The following TMCC1 variants were observed in gnomAD, a reference collection of about 807,000 sequenced individuals.
The protein encoded by TMCC1 is transmembrane and coiled-coil domains protein 1.
TMCC1 carries 15 observed loss-of-function variants against 52.4 expected under a neutral mutation model. That is an observed-to-expected ratio of 0.29 (90% CI 0.19 to 0.44). The LOEUF (loss-of-function observed/expected upper bound fraction) is 0.44, where lower values mean the gene tolerates loss of function less well. Ranked by LOEUF, TMCC1 falls within the 20% of genes least tolerant of loss-of-function variation. The pLI, the probability that TMCC1 is intolerant of heterozygous loss-of-function variation, is 1.00. For synonymous variants in TMCC1, 279 were observed against 301.9 expected (o/e 0.92, Z 0.79); for missense variants, 503 against 806.0 (o/e 0.62, Z 4.55).
intron 4 of TMCC1, among the ~76,000 whole-genome samples, chr3:129,798,524 C>CAA (rs796919072): frequency 0.075 from 5,011 of 67,164 alleles, 304 homozygotes; most frequent in African/African-American, 0.2. Context: ...TCTTCCTATC[C>CAA]AAAAAAAAAA....
intron 4 of TMCC1, among the ~76,000 whole-genome samples, chr3:129,765,357 G>A (rs1026219791): frequency 2.8e-4 from 43 of 152,046 alleles, no homozygotes; most frequent in African/African-American, 9.6e-4. Flanking sequence ...GACAGAATGA[G>A]TAGAAAAATG....
intron 4 of TMCC1, among the ~76,000 whole-genome samples, chr3:129,782,761 T>C (rs2055637920): frequency 1.3e-5 from 2 of 152,220 alleles, no homozygotes; most frequent in South Asian, 4.1e-4. Context: ...CTGAGTACCA[T>C]TTGATTACCG....
chr3:129,788,224 A>G (rs1186050787), intron 4 of TMCC1, among the ~76,000 whole-genome samples: 1 of 152,194 alleles, frequency 6.6e-6, no homozygotes, highest in African/African-American at 2.4e-5. Flanking sequence ...AGGACATGCT[A>G]TCTTCTCTGG....
chr3:129,878,511 G>A (rs1199083488), intron 2 of TMCC1, among the ~76,000 whole-genome samples: 4 of 152,152 alleles, frequency 2.6e-5, no homozygotes, highest in African/African-American at 9.7e-5. Flanking sequence ...TGTTACCACA[G>A]TCACTGCTAC....
At chr3:129,745,622 G>C (rs537321086) in intron 4 of TMCC1, among the ~76,000 whole-genome samples, 1 of 152,280 alleles carries the variant, frequency 6.6e-6, no homozygotes, top group East Asian at 1.9e-4. Context: ...GAGAGAGAGA[G>C]AGAAGCCTTT....
At chr3:129,843,574 AAAG>A (rs2059523252) in intron 2 of TMCC1, among the ~76,000 whole-genome samples, 1 of 152,126 alleles carries the variant, frequency 6.6e-6, no homozygotes, top group Non-Finnish European at 1.5e-5. Flanking sequence ...AGATGTTAAA[AAAG>A]AATAATAAAA....
chr3:129,756,445 C>T (rs2053018205), intron 4 of TMCC1, among the ~76,000 whole-genome samples: 3 of 152,018 alleles, frequency 2.0e-5, no homozygotes, highest in South Asian at 4.2e-4. Context: ...GACAGAATTT[C>T]GCTCTGTTGC....
intron 2 of TMCC1, among the ~76,000 whole-genome samples, chr3:129,867,759 C>CA (rs1283149656): frequency 6.6e-6 from 1 of 152,074 alleles, no homozygotes; most frequent in African/African-American, 2.4e-5. Context: ...ACTTTAAGGC[C>CA]ATAGTAGAAA....
chr3:129,760,796 G>A (rs1398127041), intron 4 of TMCC1, among the ~76,000 whole-genome samples: 1 of 148,944 alleles, frequency 6.7e-6, no homozygotes, highest in African/African-American at 2.5e-5. Context: ...ATTTTTTGTA[G>A]AGAAGGGGTT....
chr3:129,781,513 G>A (rs1447240532), intron 4 of TMCC1, among the ~76,000 whole-genome samples: 1 of 152,012 alleles, frequency 6.6e-6, no homozygotes, highest in African/African-American at 2.4e-5. Context: ...CCTACATTTA[G>A]ACACAATTAA....
At chr3:129,826,997 A>G (rs190174792) in intron 4 of TMCC1, among the ~76,000 whole-genome samples, 2 of 152,298 alleles carry the variant, frequency 1.3e-5, no homozygotes, top group African/African-American at 4.8e-5. Flanking sequence ...AAAAATCAGA[A>G]GCTCTGGCAA....
intron 4 of TMCC1, among the ~76,000 whole-genome samples, chr3:129,689,464 C>G (rs182833970): frequency 9.9e-4 from 151 of 152,234 alleles, no homozygotes; most frequent in African/African-American, 3.4e-3. Flanking sequence ...TAAAGTATAT[C>G]TACTAATATT....
intron 2 of TMCC1, among the ~76,000 whole-genome samples, chr3:129,859,915 T>C (rs1469941486): frequency 6.6e-6 from 1 of 152,120 alleles, no homozygotes; most frequent in African/African-American, 2.4e-5. Context: ...CCAGCCTCCA[T>C]GACTAGGAAG....
At chr3:129,711,951 G>A (rs1324165019) in intron 4 of TMCC1, among the ~76,000 whole-genome samples, 2 of 132,374 alleles carry the variant, frequency 1.5e-5, no homozygotes, top group African/African-American at 5.6e-5. Context: ...GTAGTGAGCC[G>A]AGATGGTGCC....
chr3:129,665,448 A>T (rs1482595792), intron 5 of TMCC1, among the ~76,000 whole-genome samples: 1 of 152,236 alleles, frequency 6.6e-6, no homozygotes, highest in African/African-American at 2.4e-5. Flanking sequence ...AGAAGGGGAA[A>T]TAATGACCGA....
chr3:129,705,170 G>A (rs537835517), intron 4 of TMCC1, among the ~76,000 whole-genome samples: 1 of 152,310 alleles, frequency 6.6e-6, no homozygotes, highest in South Asian at 2.1e-4. Flanking sequence ...TCCTACCCTT[G>A]ATATCTATAC....
chr3:129,842,185 G>C lies in TMCC1; in HGVS notation c.-183-9359C>G, dbSNP rs2059447777. On this transcript the variant is annotated intron_variant, in intron 2 of 6. Coordinates refer to ENST00000393238, the MANE Select transcript of TMCC1 (RefSeq NM_001017395.5). ...ATTGATAAACCAAGTAAGCAGATTG[G>C]CCAGGCATAGTGGCTCACCGTGGTA... Among the ~76,000 whole-genome samples, 2 of 152,090 alleles carry C rather than the reference G, an allele frequency of 1.3e-5. 1 individual carries two copies. Among genetic ancestry groups the C allele is most frequent in the South Asian group, 4.2e-4 (2 of 4,818 alleles).
intron 4 of TMCC1, among the ~76,000 whole-genome samples, chr3:129,696,922 C>G (rs1230141652): frequency 6.6e-6 from 1 of 152,226 alleles, no homozygotes; most frequent in Non-Finnish European, 1.5e-5. Context: ...AGCTCTACCC[C>G]TGTGGCTTTG....
intron 4 of TMCC1, among the ~76,000 whole-genome samples, chr3:129,792,610 T>G (rs138969731): frequency 9.2e-5 from 14 of 152,290 alleles, no homozygotes; most frequent in African/African-American, 3.1e-4. Context: ...ACATAACTAT[T>G]CGGTTTCTCC....
Sources: gnomAD v4.1 joint callset for allele counts (sites outside exome capture counted in the v4.1 genomes callset) on GRCh38, gnomAD v4.1.1 for gene constraint, MANE v1.5 for transcripts, NCBI Gene and HGNC (gene_info 2026-07-23, HGNC 2026-07-21) for gene names.